Variants in ANK3 observed in about 807,000 individuals in gnomAD.
ANK3 encodes the protein ankyrin 3, also known as ankyrin-3.
Under a neutral mutation model 370.9 loss-of-function variants are expected in ANK3, and 57 were observed. The observed-to-expected ratio is 0.15, with a 90% confidence interval of 0.12 to 0.19. The LOEUF is 0.19. Ranked by LOEUF, ANK3 falls within the 10% of genes least tolerant of loss-of-function variation. The probability of loss-of-function intolerance (pLI) is 1.00; values close to 1 mark genes in which losing one functional copy is unlikely to be tolerated. For synonymous variants in ANK3, 1,929 were observed against 1,946.3 expected, an observed-to-expected ratio of 0.99 and a Z score of 0.23; for missense variants, 4,439 against 5,302.1, an observed-to-expected ratio of 0.84 and a Z score of 5.06.
chr10:60,554,044 C>T (rs574000366), intron 2 of ANK3, among the ~76,000 whole-genome samples: 26 of 152,232 alleles, frequency 1.7e-4, no homozygotes, highest in African/African-American at 5.8e-4. Flanking sequence ...TAAAAGTTGG[C>T]AAGACTGGCT....
intron 2 of ANK3, among the ~76,000 whole-genome samples, chr10:60,500,763 T>G (rs2075775468): frequency 6.6e-6 from 1 of 152,270 alleles, no homozygotes; most frequent in Non-Finnish European, 1.5e-5. Flanking sequence ...GTACTTCAGG[T>G]GATTCCTACA....
chr10:60,630,836 A>G (rs10821807), intron 1 of ANK3, among the ~76,000 whole-genome samples: 52,728 of 151,998 alleles, frequency 0.35, 9,374 homozygotes, highest in African/African-American at 0.41. Context: ...CCCTGTTTTT[A>G]TGACTGTGTG....
chr10:60,214,828 G>A (rs2096911236), intron 8 of ANK3, among the ~76,000 whole-genome samples: 1 of 152,098 alleles, frequency 6.6e-6, no homozygotes. Flanking sequence ...ACATACGTGT[G>A]CATATGTCTT....
rs76794819 is a variant in ANK3, at chr10:60,554,236, C to T, written c.96+60950G>A. ...TTTTTCATGTATTACCCTTTTCAAA[C>T]CATATCTCTTAGAGCCCTTTTTCTA... On this transcript the variant is annotated intron_variant, in intron 2 of 43. Transcript: ENST00000373827. Among the ~76,000 whole-genome samples the T allele has an allele frequency of 5.7e-3, 867 of 152,168 alleles. 8 individuals are homozygous for T. The highest frequency in any genetic ancestry group is 0.019 in the African/African-American group (805 of 41,512).
At chr10:60,565,991 T>C (rs1030837849) in intron 2 of ANK3, among the ~76,000 whole-genome samples, 1 of 152,252 alleles carries the variant, frequency 6.6e-6, no homozygotes, top group African/African-American at 2.4e-5. Context: ...AGTCTATCAG[T>C]GCCATTTTTC....
At chr10:60,451,766 C>G (rs1378157237) in intron 2 of ANK3, among the ~76,000 whole-genome samples, 4 of 152,174 alleles carry the variant, frequency 2.6e-5, no homozygotes, top group Non-Finnish European at 2.9e-5. Flanking sequence ...GCTGTTTGTT[C>G]CCACGGCTCA....
chr10:60,241,280 C>T (rs185203165), intron 7 of ANK3, among the ~76,000 whole-genome samples: 6 of 152,210 alleles, frequency 3.9e-5, no homozygotes, highest in Admixed American at 1.3e-4. Flanking sequence ...AAAACAAATT[C>T]AACCTGGAGT....
intron 2 of ANK3, among the ~76,000 whole-genome samples, chr10:60,473,620 G>A (rs1290037285): frequency 2.0e-5 from 3 of 152,078 alleles, no homozygotes; most frequent in Non-Finnish European, 4.4e-5. Context: ...GGAGCACTAG[G>A]TAATGCAATT....
At chr10:60,060,635 A>T (rs919679919) in intron 40 of ANK3, 1 of 152,232 alleles carries the variant, frequency 6.6e-6, no homozygotes, top group Non-Finnish European at 1.5e-5. Flanking sequence ...AACGATGTTA[A>T]GAAAAGGATT....
At chr10:60,284,465 A>T (rs1229684873) in intron 1 of ANK3, among the ~76,000 whole-genome samples, 1 of 152,166 alleles carries the variant, frequency 6.6e-6, no homozygotes, top group East Asian at 1.9e-4. Flanking sequence ...CTTGTGAATG[A>T]CAGGGATGCA....
intron 16 of ANK3, among the ~76,000 whole-genome samples, chr10:60,189,928 CA>C (rs1391852502): frequency 6.6e-6 from 1 of 152,088 alleles, no homozygotes; most frequent in Admixed American, 6.5e-5. Context: ...AGATATGTTG[CA>C]CATTTTATGG....
rs1432579100 is a variant in ANK3 at position 60,680,916 on chromosome 10, A to C, written c.57+52347T>G. 3.3e-5 allele frequency among the ~76,000 whole-genome samples: 5 copies of C among 152,208 alleles called. No homozygotes were observed. The East Asian group carries it at 7.7e-4, about 23-fold the overall frequency. ...ACTATCTCATAAGGCCACTGTGAACAGTTAACAATATAGTATCTGTAAATC... is the reference window on the plus strand; with the variant it reads ...ACTATCTCATAAGGCCACTGTGAACCGTTAACAATATAGTATCTGTAAATC... On this transcript the variant is annotated intron_variant, in intron 1 of 43. Coordinates refer to the ANK3 transcript ENST00000373827.
chr10:60,088,121 G>A (rs2087175154), intron 29 of ANK3, 26 bp downstream of exon 29: 2 of 1,603,696 alleles, frequency 1.2e-6, no homozygotes, highest in South Asian at 1.1e-5. Flanking sequence ...CGCATACTGA[G>A]GGAAACAACT....
intron 2 of ANK3, among the ~76,000 whole-genome samples, chr10:60,458,108 T>C (rs953935486): frequency 6.6e-6 from 1 of 152,132 alleles, no homozygotes; most frequent in Non-Finnish European, 1.5e-5. Context: ...TTGGCTGTTA[T>C]TATTTCCCAT....
At chr10:60,372,327 A>G (rs892036756) in intron 1 of ANK3, among the ~76,000 whole-genome samples, 1 of 152,184 alleles carries the variant, frequency 6.6e-6, no homozygotes, top group Non-Finnish European at 1.5e-5. Flanking sequence ...TGATCTAGAC[A>G]ATCCACACAT....
Position 60,069,626 on chromosome 10 carries a change from C to A in ANK3, c.11255G>T (p.Cys3752Phe), listed in dbSNP as rs750247618. 4.3e-6 allele frequency: 7 copies of A among 1,614,072 alleles called. No individual in the cohort carries two copies. In the African/African-American group the frequency reaches 9.3e-5, roughly 22 times the overall value. ...TDKIEAVMTSCQGLENETITM... is the reference protein window; with the variant it reads ...TDKIEAVMTSFQGLENETITM... ...TATAGTTTCATTTTCTAATCCCTGA[C>A]AACTGGTCATCACCGCTTCTATCTT... Residue 3752 changes from cysteine to phenylalanine, a missense_variant, in exon 37 of 44, where the codon TGT becomes TTT. By Grantham distance (205) the Cys-to-Phe change is radical. Coordinates refer to ENST00000280772, the MANE Select transcript of ANK3 (RefSeq NM_020987.5).
At chr10:60,555,521 T>C (rs938747800) in intron 2 of ANK3, among the ~76,000 whole-genome samples, 1 of 152,110 alleles carries the variant, frequency 6.6e-6, no homozygotes, top group South Asian at 2.1e-4. Flanking sequence ...TTTTTAGTTA[T>C]AAATAAATAT....
chr10:60,161,508 GGATA>G (rs1361412151), intron 23 of ANK3, among the ~76,000 whole-genome samples: 4 of 152,092 alleles, frequency 2.6e-5, no homozygotes, highest in Non-Finnish European at 5.9e-5. Flanking sequence ...GCTGATGAAT[GGATA>G]AAGAAAATAT....
At chr10:60,443,759 A>C (rs2064361798) in intron 2 of ANK3, among the ~76,000 whole-genome samples, 1 of 152,158 alleles carries the variant, frequency 6.6e-6, no homozygotes, top group South Asian at 2.1e-4. Context: ...ATATATCACA[A>C]AAGCCCTGCT....
Sources: gnomAD v4.1 joint callset for allele counts (sites outside exome capture counted in the v4.1 genomes callset) on GRCh38, gnomAD v4.1.1 for gene constraint, MANE v1.5 for transcripts, NCBI Gene and HGNC (gene_info 2026-07-23, HGNC 2026-07-21) for gene names.